SH3D19: variants seen among roughly 807,000 people sequenced by gnomAD.
SH3D19 encodes the protein SH3 domain-containing protein 19.
SH3D19 carries 58 observed loss-of-function variants against 112.1 expected under a neutral mutation model. That is an observed-to-expected ratio of 0.52 (90% CI 0.42 to 0.64). SH3D19 has a LOEUF of 0.64. SH3D19 is among the 30% of genes least tolerant of loss of function. The pLI is 0.00. For synonymous variants in SH3D19, 391 were observed against 448.5 expected (o/e 0.87, Z 1.62); for missense variants, 1,090 against 1,263.4 (o/e 0.86, Z 2.08).
intron 1 of SH3D19, among the ~76,000 whole-genome samples, chr4:151,282,566 CTTT>C (rs1177960306): frequency 6.6e-6 from 1 of 152,094 alleles, no homozygotes; most frequent in African/African-American, 2.4e-5. Flanking sequence ...AATAAAATAT[CTTT>C]TTTGACATTT....
chr4:151,324,999 A>G (rs1000725790), intron 1 of SH3D19, among the ~76,000 whole-genome samples: 3 of 152,124 alleles, frequency 2.0e-5, no homozygotes, highest in Non-Finnish European at 4.4e-5. Flanking sequence ...GTGTGCACGG[A>G]AAATTTGAGT....
At chr4:151,312,291 A>G (rs1054518117) in intron 1 of SH3D19, among the ~76,000 whole-genome samples, 3 of 152,236 alleles carry the variant, frequency 2.0e-5, no homozygotes, top group South Asian at 2.1e-4. Flanking sequence ...ATGGAAAAAC[A>G]TAACAGTTCA....
intron 1 of SH3D19, among the ~76,000 whole-genome samples, chr4:151,228,312 G>T (rs1380547242): frequency 6.6e-6 from 1 of 152,074 alleles, no homozygotes; most frequent in Non-Finnish European, 1.5e-5. Context: ...GAGGGTAAGG[G>T]TAAATTATCC....
At chr4:151,138,175 A>G (rs1752239834) in intron 13 of SH3D19, among the ~76,000 whole-genome samples, 1 of 152,242 alleles carries the variant, frequency 6.6e-6, no homozygotes, top group Admixed American at 6.5e-5. Context: ...CACACTGAAC[A>G]ATGAAAAAAG....
intron 1 of SH3D19, chr4:151,226,542 C>G: frequency 1.1e-6 from 1 of 875,580 alleles, no homozygotes; most frequent in Non-Finnish European, 1.4e-6. Context: ...ATACTAAGAC[C>G]AATACAGCTT....
intron 14 of SH3D19, among the ~76,000 whole-genome samples, chr4:151,137,436 C>T (rs1429934910): frequency 6.6e-6 from 1 of 152,132 alleles, no homozygotes; most frequent in Admixed American, 6.6e-5. Context: ...CAAAGAATTA[C>T]CATATATCCT....
intron 1 of SH3D19, among the ~76,000 whole-genome samples, chr4:151,319,270 G>A (rs1004241741): frequency 2.6e-5 from 4 of 152,140 alleles, no homozygotes; most frequent in Non-Finnish European, 4.4e-5. Context: ...GGCTGGTCTC[G>A]AACTCCTGAC....
Position 151,291,803 on chromosome 4 carries a change from A to G in SH3D19, c.112+33438T>C, listed in dbSNP as rs918828542. On this transcript the variant is annotated intron_variant, in intron 1 of 19. Transcript: ENST00000604030. ...ACACAGGAAAATATAATAAGGGTCT[A>G]CCTCGTGCCCATGGGTTGCATCATG... 2.6e-5 allele frequency among the ~76,000 whole-genome samples: 4 copies of G among 152,120 alleles called. 1 individual carries two copies. The highest frequency in any genetic ancestry group is 1.3e-4 in the Admixed American group (2 of 15,274).
chr4:151,275,542 G>A (rs995478463), intron 1 of SH3D19, among the ~76,000 whole-genome samples: 2 of 152,098 alleles, frequency 1.3e-5, no homozygotes, highest in African/African-American at 2.4e-5. Flanking sequence ...ATTATTATTT[G>A]AGACAGGTTC....
chr4:151,188,915 T>C (rs923286162), intron 2 of SH3D19, among the ~76,000 whole-genome samples: 1 of 152,116 alleles, frequency 6.6e-6, no homozygotes, highest in East Asian at 1.9e-4. Context: ...CAATCCAACA[T>C]AACTGGTTTC....
chr4:151,277,139 GC>G, intron 1 of SH3D19: 1 of 1,372,904 alleles, frequency 7.3e-7, no homozygotes, highest in Non-Finnish European at 9.5e-7. Context: ...AGTCCAGGAA[GC>G]AGGAAGCGCT....
intron 2 of SH3D19, among the ~76,000 whole-genome samples, chr4:151,203,592 T>C (rs1330505047): frequency 6.6e-6 from 1 of 152,178 alleles, no homozygotes; most frequent in Non-Finnish European, 1.5e-5. Flanking sequence ...CTTATAAAGG[T>C]CATTTGTGCT....
At chr4:151,231,066 C>T (rs940012623) in intron 1 of SH3D19, among the ~76,000 whole-genome samples, 1 of 151,886 alleles carries the variant, frequency 6.6e-6, no homozygotes, top group Non-Finnish European at 1.5e-5. Flanking sequence ...TTCAGAATTA[C>T]CTAAAGGTTC....
intron 1 of SH3D19, among the ~76,000 whole-genome samples, chr4:151,280,201 CCA>C (rs1774079835): frequency 1.2e-5 from 1 of 81,960 alleles, no homozygotes; most frequent in Non-Finnish European, 3.4e-5. Flanking sequence ...CTTCTAAATA[CCA>C]GTCAGGAGAT....
chr4:151,311,664 C>T (rs751582561), intron 1 of SH3D19, among the ~76,000 whole-genome samples: 3 of 152,108 alleles, frequency 2.0e-5, no homozygotes, highest in Non-Finnish European at 2.9e-5. Context: ...AAGAGCAAGA[C>T]CCTATCTCTA....
chr4:151,238,419 G>A (rs565792528), intron 1 of SH3D19, among the ~76,000 whole-genome samples: 6 of 152,260 alleles, frequency 3.9e-5, no homozygotes, highest in African/African-American at 1.4e-4. Context: ...GTTTTCAGCT[G>A]TTAAGGGTAA....
In SH3D19 at chr4:151,212,276, C is replaced by G. The variant is rs190708399; in HGVS notation, c.152+13771G>C. Among the ~76,000 whole-genome samples, 3 of 152,322 alleles carry G rather than the reference C, an allele frequency of 2.0e-5. No homozygotes were observed. The East Asian group carries it at 5.8e-4, about 29-fold the overall frequency. On this transcript the variant is annotated intron_variant, in intron 2 of 19. Coordinates refer to ENST00000604030, the MANE Select transcript of SH3D19 (RefSeq NM_001378122.1). ...TCAAGCAATCCTCCTGCCTCAGCCT[C>G]CCTGGGACTACAGGCACATGCCAAC...
At chr4:151,172,560 G>A (rs1672099820) in intron 7 of SH3D19, among the ~76,000 whole-genome samples, 1 of 152,180 alleles carries the variant, frequency 6.6e-6, no homozygotes, top group Non-Finnish European at 1.5e-5. Flanking sequence ...TGAAGGCAGA[G>A]AAGTAACAAT....
intron 1 of SH3D19, among the ~76,000 whole-genome samples, chr4:151,242,415 T>C (rs1410176172): frequency 3.9e-5 from 6 of 152,110 alleles, no homozygotes; most frequent in Non-Finnish European, 8.8e-5. Context: ...TTTTAGAATG[T>C]GGAAACTGAA....
Sources: gnomAD v4.1 joint callset for allele counts (sites outside exome capture counted in the v4.1 genomes callset) on GRCh38, gnomAD v4.1.1 for gene constraint, MANE v1.5 for transcripts, NCBI Gene and HGNC (gene_info 2026-07-23, HGNC 2026-07-21) for gene names.